Variants in IGLL5 observed in about 807,000 individuals in gnomAD.
IGLL5 encodes the protein immunoglobulin lambda like polypeptide 5, also known as immunoglobulin lambda-like polypeptide 5.
In IGLL5, 30 loss-of-function variants were observed where a neutral mutation model predicts 20.9. The ratio of observed to expected loss-of-function variants is 1.44; its 90% confidence interval spans 1.07 to 1.95. IGLL5 has a LOEUF of 1.95. Among genes scored for constraint, IGLL5 ranks in the 30% most tolerant of loss-of-function variants. IGLL5 has a pLI of 0.00. For synonymous variants in IGLL5, 203 were observed against 117.3 expected (o/e 1.73, Z -4.72); for missense variants, 475 against 270.7 (o/e 1.75, Z -5.30).
chr22:22,893,998 CACAGTGGGAGCAGCCGGATGCAG>C, intron 2 of IGLL5, among the ~76,000 whole-genome samples, 180 bp downstream of exon 2: 1 of 150,270 alleles, frequency 6.7e-6, no homozygotes, highest in South Asian at 2.2e-4. Flanking sequence ...GAAGGGCCTC[CACAGTGGGAGCAGCCGGATGCAG>C]CCTGGTCCCG....
At chr22:22,890,101 A>C (rs2067775246) in intron 1 of IGLL5, among the ~76,000 whole-genome samples, 1 of 149,374 alleles carries the variant, frequency 6.7e-6, no homozygotes, top group Admixed American at 6.8e-5. Flanking sequence ...CATGTGCATT[A>C]CTCTTTTTGT....
intron 2 of IGLL5, 118 bp downstream of exon 2, chr22:22,893,936 C>A (rs906540697): frequency 2.7e-5 from 21 of 777,938 alleles, no homozygotes; most frequent in South Asian, 5.8e-5. Flanking sequence ...CTGACCCTTA[C>A]CTTTCTCCAT....
chr22:22,888,227 C>CAGTTGGA lies in IGLL5; in HGVS notation c.176_177insTTGGAAG (p.Arg60TrpfsTer34). ...CAGACCCTGGAGCCTCAGTTGGAAGCAGCCGATCCAGCCTGCGGAGCCTGT... is the reference window on the plus strand; with the variant it reads ...CAGACCCTGGAGCCTCAGTTGGAAGCAGTTGGAAGCCGATCCAGCCTGCGGAGCCTGT... On this transcript the variant is annotated frameshift_variant, in exon 1 of 3. Transcript: ENST00000526893. LOFTEE classifies it high-confidence loss of function. The CAGTTGGA allele has an allele frequency of 6.5e-7, 1 of 1,548,070 alleles. No homozygotes were observed. Among genetic ancestry groups the CAGTTGGA allele is most frequent in the Middle Eastern group, 1.9e-4 (1 of 5,256 alleles).
intron 2 of IGLL5, among the ~76,000 whole-genome samples, chr22:22,894,276 G>C (rs1601625247): frequency 4.6e-5 from 7 of 151,160 alleles, no homozygotes; most frequent in East Asian, 4.1e-4. Flanking sequence ...TGCCAATCCA[G>C]CCTGGGAGGG....
At chr22:22,894,052 C>G (rs529260138) in intron 2 of IGLL5, among the ~76,000 whole-genome samples, 3 of 151,408 alleles carry the variant, frequency 2.0e-5, no homozygotes, top group African/African-American at 4.8e-5. Flanking sequence ...TGGGATTGGG[C>G]AGGGTCAGGG....
At position 22,894,170 on chromosome 22, in the gene IGLL5, G is replaced by A. The variant is rs537232845; in HGVS notation, c.325+352G>A. 1.4e-4 allele frequency among the ~76,000 whole-genome samples: 21 copies of A among 151,476 alleles called. 1 individual carries two copies. Among genetic ancestry groups the A allele is most frequent in the East Asian group, 6.1e-4 (3 of 4,950 alleles). On this transcript the variant is annotated intron_variant, in intron 2 of 2. Transcript: ENST00000526893. The stretch of plus-strand genomic sequence containing the variant: ...ATTGCCCAGTGACTCCTGGGGTCAA[G>A]GACAGAGGCTGCTGGGGTGGGCCTG...
chr22:22,894,010 AGCCGGATGCAGCC>A, intron 2 of IGLL5, among the ~76,000 whole-genome samples, 192 bp downstream of exon 2: 1 of 151,400 alleles, frequency 6.6e-6, no homozygotes, highest in East Asian at 2.0e-4. Flanking sequence ...CAGTGGGAGC[AGCCGGATGCAGCC>A]TGGTCCCGGG....
intron 1 of IGLL5, among the ~76,000 whole-genome samples, chr22:22,890,446 T>A (rs2067799728): frequency 6.6e-6 from 1 of 150,690 alleles, no homozygotes; most frequent in African/African-American, 2.4e-5. Flanking sequence ...CCATATGGAT[T>A]AACCACATTC....
chr22:22,888,418 C>T (rs578023958), intron 1 of IGLL5, among the ~76,000 whole-genome samples, 159 bp downstream of exon 1: 6 of 151,462 alleles, frequency 4.0e-5, no homozygotes, highest in East Asian at 2.0e-4. Context: ...TTTTGTCCAT[C>T]ACAGATTTGT....
chr22:22,888,867 A>G (rs536379973), intron 1 of IGLL5, among the ~76,000 whole-genome samples: 4 of 151,340 alleles, frequency 2.6e-5, no homozygotes, highest in East Asian at 2.0e-4. Flanking sequence ...GGGAGAGGGG[A>G]TCTCCCTCTG....
At position 22,888,030 on chromosome 22, in the gene IGLL5, A is replaced by T. The variant is rs1389867201; in HGVS notation, c.-24A>T. On this transcript the variant is annotated 5_prime_UTR_variant, in exon 1 of 3. Coordinates refer to ENST00000526893, the MANE Select transcript of IGLL5 (RefSeq NM_001178126.2). ...GAGCCCATGCTGCAAGTCGGGCCAGAGGTGCCCCTGAACCTGAAGGCCAAT... is the reference window on the plus strand; with the variant it reads ...GAGCCCATGCTGCAAGTCGGGCCAGTGGTGCCCCTGAACCTGAAGGCCAAT... 6.5e-7 allele frequency: 1 copy of T among 1,543,168 alleles called. No homozygotes were observed. Among genetic ancestry groups the T allele is most frequent in the Non-Finnish European group, 8.8e-7 (1 of 1,141,066 alleles).
Position 22,887,848 on chromosome 22 carries a change from T to A in IGLL5, c.-206T>A, listed in dbSNP as rs1023138182. The stretch of plus-strand genomic sequence containing the variant: ...CTTCAGGGCAGTTGGTAGATGCCCC[T>A]CTGGGAGAGATCCCCAGGGGTGACA... On this transcript the variant is annotated 5_prime_UTR_variant, in exon 1 of 3. Coordinates refer to ENST00000526893, the MANE Select transcript of IGLL5 (RefSeq NM_001178126.2). 10 of 614,038 alleles carry A rather than the reference T, an allele frequency of 1.6e-5. No individual in the cohort carries two copies. Among genetic ancestry groups the A allele is most frequent in the Non-Finnish European group, 2.9e-5 (10 of 341,876 alleles). 38.0% of individuals were successfully genotyped at this position (614,038 alleles called of 1,614,324 possible).
chr22:22,889,763 A>T (rs1406536068), intron 1 of IGLL5, among the ~76,000 whole-genome samples: 1 of 151,286 alleles, frequency 6.6e-6, no homozygotes, highest in East Asian at 2.0e-4. Context: ...AATTTTGATT[A>T]GGATTATTAT....
At chr22:22,893,869 G>A (rs555210623) in intron 2 of IGLL5, 51 bp downstream of exon 2, 22 of 1,277,472 alleles carry the variant, frequency 1.7e-5, no homozygotes, top group South Asian at 3.6e-5. Flanking sequence ...GCTGTCCCTG[G>A]AAAATCTGTT....
intron 2 of IGLL5, among the ~76,000 whole-genome samples, chr22:22,894,457 C>A: frequency 6.6e-6 from 1 of 151,508 alleles, no homozygotes; most frequent in African/African-American, 2.4e-5. Flanking sequence ...CCTCCCAGGA[C>A]AGTCACCAGA....
Position 22,888,637 on chromosome 22 carries a change from C to G in IGLL5, c.206+378C>G, listed in dbSNP as rs149472028. The stretch of plus-strand genomic sequence containing the variant: ...GTGCCCAGGCCTGTTCCTCCCCCTC[C>G]TCCTCTCTGCCCATGTGCCTCCTGC... On this transcript the variant is annotated intron_variant, in intron 1 of 2. Coordinates refer to ENST00000526893, the MANE Select transcript of IGLL5 (RefSeq NM_001178126.2). 6.6e-5 allele frequency among the ~76,000 whole-genome samples: 10 copies of G among 151,250 alleles called. 1 individual carries two copies. The highest frequency in any genetic ancestry group is 7.5e-3 in the Middle Eastern group (2 of 268).
chr22:22,889,244 T>C (rs1380913107), intron 1 of IGLL5, among the ~76,000 whole-genome samples: 1 of 150,978 alleles, frequency 6.6e-6, no homozygotes, highest in East Asian at 2.0e-4. Flanking sequence ...ACACTCAGAT[T>C]CAGAGCACCC....
At chr22:22,889,159 G>A (rs1372212398) in intron 1 of IGLL5, among the ~76,000 whole-genome samples, 2 of 151,156 alleles carry the variant, frequency 1.3e-5, no homozygotes, top group Admixed American at 6.6e-5. Flanking sequence ...ATTAGAGGAG[G>A]GAGGAGAGGG....
At chr22:22,893,323 A>G in intron 1 of IGLL5, among the ~76,000 whole-genome samples, 1 of 151,134 alleles carries the variant, frequency 6.6e-6, no homozygotes, top group East Asian at 2.0e-4. Context: ...GTCAGGAATG[A>G]CCCAGTGCTC....
Sources: gnomAD v4.1 joint callset for allele counts (sites outside exome capture counted in the v4.1 genomes callset) on GRCh38, gnomAD v4.1.1 for gene constraint, MANE v1.5 for transcripts, NCBI Gene and HGNC (gene_info 2026-07-23, HGNC 2026-07-21) for gene names.